The following DPYD variants were observed in gnomAD, a reference collection of about 807,000 sequenced individuals.
DPYD encodes the protein dihydropyrimidine dehydrogenase [NADP(+)].
In DPYD, 109 loss-of-function variants were observed where a neutral mutation model predicts 116.2. The observed-to-expected ratio is 0.94, with a 90% CI of 0.80 to 1.10. The LOEUF (loss-of-function observed/expected upper bound fraction) is 1.10, where lower values mean the gene tolerates loss of function less well. DPYD is among the 50% of genes least tolerant of loss of function. DPYD has a pLI of 0.00. For synonymous variants in DPYD, 440 were observed against 432.0 expected, an observed-to-expected ratio of 1.02 and a Z score of -0.23; for missense variants, 1,302 against 1,254.5, an observed-to-expected ratio of 1.04 and a Z score of -0.57.
At chr1:97,526,055 CCAA>C in intron 12 of DPYD, among the ~76,000 whole-genome samples, 1 of 151,374 alleles carries the variant, frequency 6.6e-6, no homozygotes, top group Middle Eastern at 3.4e-3. Flanking sequence ...CAAAGATTCA[CCAA>C]CATCACACTT....
At chr1:97,434,828 A>C (rs1208906545) in intron 14 of DPYD, among the ~76,000 whole-genome samples, 1 of 152,036 alleles carries the variant, frequency 6.6e-6, no homozygotes, top group East Asian at 1.9e-4. Flanking sequence ...TTCTGTGTTC[A>C]ATTTGAAATT....
intron 16 of DPYD, among the ~76,000 whole-genome samples, chr1:97,315,086 T>A (rs1398005817): frequency 6.6e-6 from 1 of 151,804 alleles, no homozygotes; most frequent in Non-Finnish European, 1.5e-5. Flanking sequence ...AACTGATGAG[T>A]AGATATGCTA....
At chr1:97,229,290 C>T (rs1661423402) in intron 19 of DPYD, among the ~76,000 whole-genome samples, 1 of 145,212 alleles carries the variant, frequency 6.9e-6, no homozygotes, top group Non-Finnish European at 1.5e-5. Flanking sequence ...CTGACTAGTA[C>T]CCAAGCCCCA....
intron 5 of DPYD, among the ~76,000 whole-genome samples, chr1:97,706,183 C>T (rs1661940659): frequency 6.6e-6 from 1 of 151,676 alleles, no homozygotes; most frequent in Non-Finnish European, 1.5e-5. Flanking sequence ...TATATTCTAG[C>T]CACTCTACTA....
In DPYD at chr1:97,163,288, A is replaced by G. The variant is rs534134710; in HGVS notation, c.2622+29781T>C. Reference sequence around the variant, plus strand: ...ATGAACTCCAACAAATTTACAAGAAAAAAACAAACAACCCCATCAAAAAGT... The same window carrying G: ...ATGAACTCCAACAAATTTACAAGAAGAAAACAAACAACCCCATCAAAAAGT... On this transcript the variant is annotated intron_variant, in intron 20 of 22. Transcript: ENST00000370192. 4.6e-5 allele frequency among the ~76,000 whole-genome samples: 7 copies of G among 152,324 alleles called. No individual in the cohort carries two copies. In the South Asian group the frequency reaches 8.3e-4, roughly 18 times the overall value.
chr1:97,325,678 G>T (rs1479866758), intron 16 of DPYD, among the ~76,000 whole-genome samples: 1 of 151,984 alleles, frequency 6.6e-6, no homozygotes, highest in Admixed American at 6.6e-5. Context: ...GAGTGTGTGT[G>T]TATGAGAGAG....
intron 13 of DPYD, among the ~76,000 whole-genome samples, chr1:97,512,406 G>T (rs945575506): frequency 1.3e-5 from 2 of 151,744 alleles, no homozygotes; most frequent in African/African-American, 4.8e-5. Flanking sequence ...TATAGAAAGG[G>T]CTTACAAGTG....
chr1:97,514,614 C>T (rs548484848), intron 13 of DPYD, among the ~76,000 whole-genome samples: 2 of 151,872 alleles, frequency 1.3e-5, no homozygotes, highest in African/African-American at 4.8e-5. Flanking sequence ...TTCTGTTACG[C>T]TTCACACTTT....
intron 20 of DPYD, among the ~76,000 whole-genome samples, chr1:97,136,587 T>C (rs1326600056): frequency 6.6e-6 from 1 of 152,138 alleles, no homozygotes; most frequent in Admixed American, 6.5e-5. Context: ...CACCTAGGTT[T>C]TTCCCTGGAA....
At chr1:97,901,152 T>A (rs1673349859) in intron 1 of DPYD, among the ~76,000 whole-genome samples, 1 of 151,770 alleles carries the variant, frequency 6.6e-6, no homozygotes, top group African/African-American at 2.4e-5. Flanking sequence ...GAAAACTAAA[T>A]CACAAGGAGA....
intron 3 of DPYD, among the ~76,000 whole-genome samples, chr1:97,759,046 T>C (rs1332233729): frequency 6.6e-6 from 1 of 152,162 alleles, no homozygotes; most frequent in African/African-American, 2.4e-5. Context: ...GACACAGTTA[T>C]TTATTCACTT....
intron 19 of DPYD, among the ~76,000 whole-genome samples, chr1:97,200,320 A>C (rs752569369): frequency 7.2e-5 from 11 of 152,164 alleles, no homozygotes; most frequent in Non-Finnish European, 4.4e-5. Context: ...TTAAGTCTAA[A>C]GTTGTCTCAA....
intron 16 of DPYD, among the ~76,000 whole-genome samples, chr1:97,337,321 A>G (rs999952412): frequency 2.0e-5 from 3 of 152,352 alleles, no homozygotes; most frequent in Non-Finnish European, 2.9e-5. Context: ...AGCTTAAAGT[A>G]CAATGCCGAG....
In DPYD at chr1:97,879,249, T is replaced by C. The variant is rs555376298; in HGVS notation, c.150+4015A>G. Among the ~76,000 whole-genome samples, 11 of 152,134 alleles carry C rather than the reference T, an allele frequency of 7.2e-5. No individual in the cohort carries two copies. The South Asian group carries it at 2.3e-3, about 32-fold the overall frequency. ...CAAAAAGCATTGCAAATTCTTAATA[T>C]ACATTATAGCTTATTCTCATTGTAT... is the stretch of plus-strand genomic sequence containing the variant. On this transcript the variant is annotated intron_variant, in intron 2 of 22. Transcript: ENST00000370192.
At chr1:97,703,428 G>A (rs1302201529) in intron 5 of DPYD, among the ~76,000 whole-genome samples, 3 of 151,838 alleles carry the variant, frequency 2.0e-5, no homozygotes, top group Non-Finnish European at 4.4e-5. Flanking sequence ...GAGATGCTTT[G>A]AGGATTTAAT....
intron 8 of DPYD, among the ~76,000 whole-genome samples, chr1:97,638,373 G>T (rs901781965): frequency 6.6e-6 from 1 of 152,020 alleles, no homozygotes; most frequent in African/African-American, 2.4e-5. Flanking sequence ...AGATGTTTTT[G>T]CACATGTGGG....
chr1:97,100,648 C>A (rs1174604655), intron 20 of DPYD, among the ~76,000 whole-genome samples: 1 of 152,066 alleles, frequency 6.6e-6, no homozygotes, highest in Non-Finnish European at 1.5e-5. Flanking sequence ...AGAAATCATT[C>A]TTGCAACCTT....
At chr1:97,861,659 C>T (rs567398612) in intron 2 of DPYD, among the ~76,000 whole-genome samples, 3 of 151,904 alleles carry the variant, frequency 2.0e-5, no homozygotes, top group African/African-American at 4.8e-5. Context: ...AAGCATAAAA[C>T]GATGTTCAAA....
chr1:97,296,079 A>G (rs2101004125), intron 18 of DPYD: 1 of 152,322 alleles, frequency 6.6e-6, no homozygotes, highest in African/African-American at 2.4e-5. Flanking sequence ...TTCGAAAAAA[A>G]GCATATTTTT....
Sources: gnomAD v4.1 joint callset for allele counts (sites outside exome capture counted in the v4.1 genomes callset) on GRCh38, gnomAD v4.1.1 for gene constraint, MANE v1.5 for transcripts, NCBI Gene and HGNC (gene_info 2026-07-23, HGNC 2026-07-21) for gene names.